ARMC2: variants seen among roughly 807,000 people sequenced by gnomAD.
ARMC2 encodes armadillo repeat containing 2.
In ARMC2, 67 loss-of-function variants were observed where a neutral mutation model predicts 90.3. That is an observed-to-expected ratio of 0.74 (90% confidence interval 0.61 to 0.91). The LOEUF (loss-of-function observed/expected upper bound fraction) is 0.91, where lower values mean the gene tolerates loss of function less well. Ranked by LOEUF, ARMC2 falls within the 40% of genes least tolerant of loss-of-function variation. The pLI, the probability that ARMC2 is intolerant of heterozygous loss-of-function variation, is 0.00. For synonymous variants in ARMC2, 393 were observed against 393.0 expected, an observed-to-expected ratio of 1.00 and a Z score of 0.00; for missense variants, 920 against 1,030.9, an observed-to-expected ratio of 0.89 and a Z score of 1.47.
chr6:108,890,679 A>G (rs1187536319), intron 5 of ARMC2, among the ~76,000 whole-genome samples: 1 of 152,214 alleles, frequency 6.6e-6, no homozygotes, highest in Non-Finnish European at 1.5e-5. Context: ...CAGAACCTAC[A>G]TATACCCACC....
the ARMC2 span, chr6:108,992,864 G>T: frequency 6.2e-7 from 1 of 1,613,224 alleles, no homozygotes; most frequent in Non-Finnish European, 8.5e-7. Context: ...TCAAAATGAC[G>T]AGATACAGCT....
At chr6:108,927,243 G>C (rs11153137) in intron 10 of ARMC2, among the ~76,000 whole-genome samples, 1 of 152,198 alleles carries the variant, frequency 6.6e-6, no homozygotes, top group East Asian at 1.9e-4. Context: ...CACTTCACTA[G>C]GAAGAGATGA....
intron 10 of ARMC2, among the ~76,000 whole-genome samples, chr6:108,923,813 G>A (rs564902760): frequency 4.2e-4 from 64 of 152,008 alleles, no homozygotes; most frequent in Admixed American, 9.8e-4. Flanking sequence ...TTAGGCCCTG[G>A]TTCACCCAGG....
the ARMC2 span, among the ~76,000 whole-genome samples, chr6:109,022,411 CTTTTTTTTTTTTTTTTT>C: frequency 1.7e-3 from 113 of 65,880 alleles, 1 homozygote; most frequent in African/African-American, 5.9e-3. Flanking sequence ...TGTTCTAAAG[CTTTTTTTTTTTTTTTTT>C]TTTTTTTTTT....
intron 3 of ARMC2, among the ~76,000 whole-genome samples, chr6:108,862,347 AAAAAAAAAAAAC>A (rs906762354): frequency 2.8e-5 from 4 of 142,584 alleles, no homozygotes; most frequent in African/African-American, 5.2e-5. Context: ...CATCTCAAAA[AAAAAAAAAAAAC>A]AAAAAAAACA....
At chr6:108,957,767 G>A (rs770447022) in intron 13 of ARMC2, among the ~76,000 whole-genome samples, 6 of 152,170 alleles carry the variant, frequency 3.9e-5, no homozygotes, top group Non-Finnish European at 7.3e-5. Flanking sequence ...CTCTCAGTAT[G>A]CCACCAGACT....
intron 13 of ARMC2, among the ~76,000 whole-genome samples, 169 bp from the exon 14 acceptor site, chr6:108,961,403 T>C (rs1777988004): frequency 6.6e-6 from 1 of 152,210 alleles, no homozygotes; most frequent in Non-Finnish European, 1.5e-5. Context: ...GGCATTTCCG[T>C]GCAGGAGGAG....
intron 12 of ARMC2, among the ~76,000 whole-genome samples, chr6:108,951,152 C>T (rs1481499155): frequency 6.6e-6 from 1 of 152,212 alleles, no homozygotes; most frequent in East Asian, 1.9e-4. Flanking sequence ...CTGTGTGAGT[C>T]CAGCCTGCCT....
intron 2 of ARMC2, among the ~76,000 whole-genome samples, chr6:108,857,454 C>A (rs1774755838): frequency 6.6e-6 from 1 of 152,144 alleles, no homozygotes; most frequent in Non-Finnish European, 1.5e-5. Flanking sequence ...ATCCTGTTAT[C>A]TGGAAAGAGT....
chr6:108,943,390 A>T (rs1245267551), intron 12 of ARMC2, among the ~76,000 whole-genome samples: 2 of 152,192 alleles, frequency 1.3e-5, no homozygotes, highest in Non-Finnish European at 2.9e-5. Context: ...ACAAGAATTC[A>T]TATTATTTTT....
chr6:109,021,679 T>C, the ARMC2 span, among the ~76,000 whole-genome samples: 1 of 152,070 alleles, frequency 6.6e-6, no homozygotes, highest in African/African-American at 2.4e-5. Flanking sequence ...TGACCTCAAG[T>C]GATCCGCCCG....
At chr6:109,001,622 T>G in the ARMC2 span, 1 of 727,870 alleles carries the variant, frequency 1.4e-6, no homozygotes, top group Non-Finnish European at 2.3e-6. Flanking sequence ...GTTACAAATT[T>G]AAACTCAACT....
chr6:108,951,567 G>GT (rs1266294230), intron 12 of ARMC2, among the ~76,000 whole-genome samples: 1 of 152,220 alleles, frequency 6.6e-6, no homozygotes, highest in Non-Finnish European at 1.5e-5. Context: ...TTCTCTGCCA[G>GT]TGAGTGTCAG....
the ARMC2 span, among the ~76,000 whole-genome samples, chr6:108,997,027 A>G: frequency 7.0e-6 from 1 of 142,366 alleles, no homozygotes; most frequent in Non-Finnish European, 1.5e-5. Context: ...AGTAGTTTCC[A>G]GGGTTGGGAG....
At chr6:109,051,308 T>C in the ARMC2 span, among the ~76,000 whole-genome samples, 2 of 150,896 alleles carry the variant, frequency 1.3e-5, no homozygotes, top group East Asian at 3.9e-4. Context: ...AAAAATTATT[T>C]ACCAAACATT....
chr6:108,890,051 G>A (rs370120792), intron 5 of ARMC2, among the ~76,000 whole-genome samples: 67 of 148,478 alleles, frequency 4.5e-4, no homozygotes, highest in African/African-American at 1.3e-3. Context: ...TTAGCCGGGC[G>A]TAGTGGCGGG....
intron 5 of ARMC2, among the ~76,000 whole-genome samples, chr6:108,889,970 C>T (rs1420746610): frequency 1.3e-5 from 2 of 150,032 alleles, no homozygotes; most frequent in African/African-American, 4.9e-5. Flanking sequence ...GGGCGGATCA[C>T]GAGGTCAGGA....
chr6:109,031,869 T>C, the ARMC2 span, among the ~76,000 whole-genome samples: 7 of 152,144 alleles, frequency 4.6e-5, no homozygotes, highest in African/African-American at 1.7e-4. Flanking sequence ...ATTTCAGATT[T>C]TGAAATATTT....
intron 4 of ARMC2, among the ~76,000 whole-genome samples, chr6:108,870,542 A>C (rs1776281665): frequency 6.7e-6 from 1 of 150,170 alleles, no homozygotes; most frequent in Non-Finnish European, 1.5e-5. Context: ...GAAGGTAGGA[A>C]GGAAGGAAGG....
Sources: gnomAD v4.1 joint callset for allele counts (sites outside exome capture counted in the v4.1 genomes callset) on GRCh38, gnomAD v4.1.1 for gene constraint, MANE v1.5 for transcripts, NCBI Gene and HGNC (gene_info 2026-07-23, HGNC 2026-07-21) for gene names.